The following ATP10A variants were observed in gnomAD, a reference collection of about 807,000 sequenced individuals.
ATP10A encodes the protein ATPase phospholipid transporting 10A (putative).
Under a neutral mutation model 147.8 loss-of-function variants are expected in ATP10A, and 111 were observed. The observed-to-expected ratio is 0.75, with a 90% confidence interval of 0.64 to 0.88. The LOEUF is 0.88. Among genes scored for constraint, ATP10A ranks in the 40% least tolerant of loss-of-function variants. ATP10A has a pLI of 0.00. For missense variants in ATP10A, 1,927 were observed against 1,959.0 expected (o/e 0.98, Z 0.31); for synonymous variants, 875 against 841.6 (o/e 1.04, Z -0.69).
intron 1 of ATP10A, among the ~76,000 whole-genome samples, chr15:25,806,508 T>C (rs1211689104): frequency 1.3e-5 from 2 of 152,044 alleles, no homozygotes; most frequent in African/African-American, 4.8e-5. Context: ...GAGACGGGGT[T>C]TCACGGTGTT....
intron 1 of ATP10A, among the ~76,000 whole-genome samples, chr15:25,788,784 G>A (rs968249890): frequency 2.0e-5 from 3 of 152,188 alleles, no homozygotes; most frequent in African/African-American, 4.8e-5. Context: ...TTGAGGTGCG[G>A]TGGTATATAA....
chr15:25,713,587 C>T, intron 10 of ATP10A, 87 bp downstream of exon 10: 1 of 1,306,876 alleles, frequency 7.7e-7, no homozygotes, highest in East Asian at 2.5e-5. Flanking sequence ...ATGAAAATCA[C>T]TTTACTCAAG....
chr15:25,734,200 C>T (rs904245180), intron 3 of ATP10A, among the ~76,000 whole-genome samples: 3 of 152,132 alleles, frequency 2.0e-5, no homozygotes, highest in Non-Finnish European at 4.4e-5. Flanking sequence ...AGCAGAGGGC[C>T]GTCACCTTTC....
At chr15:25,862,523 C>T in intron 1 of ATP10A, 125 bp downstream of exon 1, 3 of 1,186,998 alleles carry the variant, frequency 2.5e-6, no homozygotes, top group African/African-American at 1.5e-5. Flanking sequence ...CAGCCGGGCC[C>T]TCCACCCTGA....
At chr15:25,782,357 G>GTT in intron 1 of ATP10A, among the ~76,000 whole-genome samples, 1 of 152,302 alleles carries the variant, frequency 6.6e-6, no homozygotes, top group South Asian at 2.1e-4. Flanking sequence ...GTACCACACC[G>GTT]TAAGTATCAC....
At chr15:25,682,933 C>T (rs527646518) in intron 17 of ATP10A, among the ~76,000 whole-genome samples, 1 of 152,256 alleles carries the variant, frequency 6.6e-6, no homozygotes, top group Admixed American at 6.5e-5. Flanking sequence ...CAGTGGCTTC[C>T]TTGTGGGTTT....
intron 1 of ATP10A, among the ~76,000 whole-genome samples, chr15:25,793,212 T>A (rs1890514582): frequency 6.6e-6 from 1 of 152,158 alleles, no homozygotes; most frequent in Non-Finnish European, 1.5e-5. Context: ...TTTGGAGGCA[T>A]CATAAATGTT....
chr15:25,720,451 T>C (rs750802632), intron 7 of ATP10A, among the ~76,000 whole-genome samples: 6 of 152,306 alleles, frequency 3.9e-5, no homozygotes, highest in South Asian at 4.1e-4. Context: ...CTTTAAGGGC[T>C]GCTGTAGAAC....
chr15:25,862,250 C>G (rs1267441212), intron 1 of ATP10A: 8 of 476,002 alleles, frequency 1.7e-5, no homozygotes, highest in Admixed American at 4.6e-5. Context: ...GTTCAGAGAC[C>G]ACTGTGCCTG....
Position 25,687,754 on chromosome 15 carries a change from C to A in ATP10A, c.3240G>T (p.Trp1080Cys). 1 of 1,613,094 alleles carries A rather than the reference C, an allele frequency of 6.2e-7. No individual in the cohort carries two copies. Among genetic ancestry groups the A allele is most frequent in the East Asian group, 2.2e-5 (1 of 44,796 alleles). The change falls in exon 16 of 21, where the codon TGG becomes TGT. Residue 1080 changes from tryptophan to cysteine, a missense_variant. Physicochemically the swap from Trp to Cys is radical, Grantham distance 215. Transcript: ENST00000555815. ...LERLLILHGHWCYSRLANMVL... is the reference protein window; with the variant it reads ...LERLLILHGHCCYSRLANMVL... The stretch of plus-strand genomic sequence containing the variant: ...CCATGTTGGCAAGTCGGGAGTAGCA[C>A]CAATGCCCGTGAAGAATCAAGAGCC...
chr15:25,809,080 T>A (rs1191687201), intron 1 of ATP10A, among the ~76,000 whole-genome samples: 1 of 152,056 alleles, frequency 6.6e-6, no homozygotes, highest in Non-Finnish European at 1.5e-5. Context: ...GATGCTTAAG[T>A]GAGAATGTCC....
At chr15:25,803,607 C>T (rs766752809) in intron 1 of ATP10A, among the ~76,000 whole-genome samples, 7 of 152,192 alleles carry the variant, frequency 4.6e-5, no homozygotes, top group Non-Finnish European at 1.0e-4. Flanking sequence ...TCCCAAGTAT[C>T]CATCACTAAC....
intron 3 of ATP10A, among the ~76,000 whole-genome samples, chr15:25,730,849 C>T (rs1252060072): frequency 6.6e-6 from 1 of 152,070 alleles, no homozygotes; most frequent in Non-Finnish European, 1.5e-5. Context: ...TGGAAATTAC[C>T]AGACTGTTTT....
rs374523886 is a variant in ATP10A at position 25,781,097 on chromosome 15, T to A, written c.576A>T (p.Leu192=). 9.9e-6 allele frequency: 16 copies of A among 1,614,064 alleles called. No homozygotes were observed. The Admixed American group carries it at 2.3e-4, about 24-fold the overall frequency. Residue 192 remains leucine (L), a synonymous_variant, in exon 2 of 21, where the codon CTA becomes CTT. Transcript: ENST00000555815. The stretch of plus-strand genomic sequence containing the variant: ...CCAGGTTGGCGGTCTCGATGTGGCA[T>A]AGCCCGTCGGGGTCACTGGAGGAGA... ...LLLSSSDPDG[L]CHIETANLDG... is the part of the protein sequence containing the mutation.
intron 1 of ATP10A, among the ~76,000 whole-genome samples, chr15:25,854,979 A>C (rs1419048515): frequency 6.6e-6 from 1 of 151,678 alleles, no homozygotes; most frequent in Non-Finnish European, 1.5e-5. Flanking sequence ...GAATCGCTTG[A>C]ACCTGGGAGG....
rs1450011535 is a variant in ATP10A, at chr15:25,847,925, C to A, written c.449+14723G>T. Among the ~76,000 whole-genome samples the A allele has an allele frequency of 2.6e-5, 4 of 152,078 alleles. No individual in the cohort carries two copies. In the East Asian group the frequency reaches 7.7e-4, roughly 29 times the overall value. On this transcript the variant is annotated intron_variant, in intron 1 of 20. Coordinates refer to ENST00000555815, the MANE Select transcript of ATP10A (RefSeq NM_024490.4). ...GGGATTACAGATGTGAGCCACCACACCTGGCCTACAGCCATTTTTTAACGG... is the reference window on the plus strand; with the variant it reads ...GGGATTACAGATGTGAGCCACCACAACTGGCCTACAGCCATTTTTTAACGG...
intron 12 of ATP10A, among the ~76,000 whole-genome samples, chr15:25,704,762 C>T (rs1443476030): frequency 2.6e-5 from 4 of 152,232 alleles, no homozygotes; most frequent in Non-Finnish European, 5.9e-5. Context: ...ATTTGGGGCA[C>T]AGCGGCTTTC....
intron 1 of ATP10A, among the ~76,000 whole-genome samples, chr15:25,824,752 CA>C (rs1892046918): frequency 6.6e-6 from 1 of 151,956 alleles, no homozygotes; most frequent in East Asian, 1.9e-4. Flanking sequence ...AGCAACAATC[CA>C]AAAACATTTA....
chr15:25,833,626 C>A (rs187397120), intron 1 of ATP10A, among the ~76,000 whole-genome samples: 143 of 152,322 alleles, frequency 9.4e-4, no homozygotes, highest in Non-Finnish European at 1.9e-4. Flanking sequence ...TTCTTCCTCT[C>A]AGTTCCTATG....
Sources: gnomAD v4.1 joint callset for allele counts (sites outside exome capture counted in the v4.1 genomes callset) on GRCh38, gnomAD v4.1.1 for gene constraint, MANE v1.5 for transcripts, NCBI Gene and HGNC (gene_info 2026-07-23, HGNC 2026-07-21) for gene names.